SGCZ: variants seen among roughly 807,000 people sequenced by gnomAD.
SGCZ encodes sarcoglycan zeta, also known as zeta-sarcoglycan.
SGCZ carries 40 observed loss-of-function variants against 41.3 expected under a neutral mutation model. The observed-to-expected ratio is 0.97, with a 90% confidence interval of 0.75 to 1.26. The LOEUF (loss-of-function observed/expected upper bound fraction) is 1.26, where lower values mean the gene tolerates loss of function less well. SGCZ is among the 50% of genes most tolerant of loss of function. The pLI is 0.00. For missense variants in SGCZ, 552 were observed against 369.8 expected (o/e 1.49, Z -4.04); for synonymous variants, 206 against 137.5 (o/e 1.50, Z -3.49).
chr8:14,783,650 C>T (rs1397168835), intron 1 of SGCZ, among the ~76,000 whole-genome samples: 2 of 152,014 alleles, frequency 1.3e-5, no homozygotes, highest in African/African-American at 2.4e-5. Context: ...ATTTAAAACA[C>T]GTTAGTGGAT....
At chr8:14,612,706 T>C (rs975230230) in intron 1 of SGCZ, among the ~76,000 whole-genome samples, 1 of 152,056 alleles carries the variant, frequency 6.6e-6, no homozygotes, top group Admixed American at 6.6e-5. Flanking sequence ...TTTGTTTTTT[T>C]AAAAGACTCT....
In SGCZ at chr8:14,086,348, G is replaced by C. The variant is rs17118601; in HGVS notation, c.*4095C>G. ...ATTAGACGCTCTCCAGGCTATTGCT[G>C]CCTCATACAGAGATACCATGTTTGC... On this transcript the variant is annotated 3_prime_UTR_variant, in exon 8 of 8. Coordinates refer to ENST00000382080, the MANE Select transcript of SGCZ (RefSeq NM_139167.4). Among the ~76,000 whole-genome samples the C allele has an allele frequency of 2.6e-5, 4 of 151,714 alleles. No individual in the cohort carries two copies. The highest frequency in any genetic ancestry group is 6.8e-3 in the Middle Eastern group (2 of 294).
intron 1 of SGCZ, among the ~76,000 whole-genome samples, chr8:14,936,918 A>G (rs910608152): frequency 6.6e-6 from 1 of 151,820 alleles, no homozygotes; most frequent in African/African-American, 2.4e-5. Flanking sequence ...AAACTTTACT[A>G]CACTAAAGGC....
intron 1 of SGCZ, among the ~76,000 whole-genome samples, chr8:15,035,930 CA>C (rs1803858873): frequency 6.6e-6 from 1 of 151,678 alleles, no homozygotes; most frequent in South Asian, 2.1e-4. Context: ...ATAGATTACT[CA>C]AACAGAAAAT....
intron 1 of SGCZ, among the ~76,000 whole-genome samples, chr8:15,097,711 AGAGT>A (rs1196898210): frequency 6.8e-6 from 1 of 146,892 alleles, no homozygotes; most frequent in Non-Finnish European, 1.5e-5. Flanking sequence ...TCTACGCGAC[AGAGT>A]GAGAGCTTAT....
At chr8:14,667,247 G>A (rs1218766640) in intron 1 of SGCZ, among the ~76,000 whole-genome samples, 1 of 152,106 alleles carries the variant, frequency 6.6e-6, no homozygotes, top group Non-Finnish European at 1.5e-5. Context: ...GGATTATTCT[G>A]GCATGTATAA....
At chr8:14,406,190 T>A (rs1799207708) in intron 2 of SGCZ, among the ~76,000 whole-genome samples, 1 of 152,100 alleles carries the variant, frequency 6.6e-6, no homozygotes, top group South Asian at 2.1e-4. Context: ...TTTCTGCACT[T>A]CCCTCCACCT....
At chr8:14,261,991 C>T (rs1018945812) in intron 3 of SGCZ, among the ~76,000 whole-genome samples, 3 of 151,992 alleles carry the variant, frequency 2.0e-5, no homozygotes, top group African/African-American at 7.2e-5. Flanking sequence ...TTAATTTGAC[C>T]AACTCCTACT....
chr8:14,543,179 C>T (rs1803522607), intron 2 of SGCZ, among the ~76,000 whole-genome samples: 1 of 151,902 alleles, frequency 6.6e-6, no homozygotes, highest in South Asian at 2.1e-4. Flanking sequence ...TAAAATAAAA[C>T]TATGTAAGTA....
intron 1 of SGCZ, among the ~76,000 whole-genome samples, chr8:15,118,304 T>C (rs533389383): frequency 1.3e-5 from 2 of 152,272 alleles, no homozygotes; most frequent in African/African-American, 4.8e-5. Flanking sequence ...ATAATTGTAT[T>C]TTGAAAAATC....
chr8:14,559,749 A>G (rs1804151299), intron 1 of SGCZ, among the ~76,000 whole-genome samples: 1 of 152,124 alleles, frequency 6.6e-6, no homozygotes, highest in South Asian at 2.1e-4. Context: ...AGCTATTAAA[A>G]TATCATAATT....
At chr8:14,327,514 G>A (rs1184808750) in intron 2 of SGCZ, among the ~76,000 whole-genome samples, 1 of 152,048 alleles carries the variant, frequency 6.6e-6, no homozygotes, top group African/African-American at 2.4e-5. Flanking sequence ...TCAGAGCAAT[G>A]GAAACTAGTT....
chr8:14,322,902 C>T (rs1405576898), intron 3 of SGCZ, among the ~76,000 whole-genome samples: 5 of 152,094 alleles, frequency 3.3e-5, no homozygotes, highest in South Asian at 4.1e-4. Flanking sequence ...TTTTTGTTTC[C>T]GCTTTTCACA....
chr8:15,059,831 T>C (rs115452499), intron 1 of SGCZ, among the ~76,000 whole-genome samples: 124 of 152,340 alleles, frequency 8.1e-4, no homozygotes, highest in African/African-American at 2.9e-3. Flanking sequence ...ATGCCTTCAG[T>C]TCTTTCCAAG....
intron 2 of SGCZ, among the ~76,000 whole-genome samples, chr8:14,541,890 A>T (rs1803480415): frequency 6.6e-6 from 1 of 152,074 alleles, no homozygotes; most frequent in Admixed American, 6.6e-5. Flanking sequence ...AGTGATGATG[A>T]GCTTTTTTCC....
At chr8:14,737,326 C>T (rs927836101) in intron 1 of SGCZ, among the ~76,000 whole-genome samples, 1 of 151,792 alleles carries the variant, frequency 6.6e-6, no homozygotes. Context: ...TCTAATGAAG[C>T]AAAAACCTCA....
chr8:15,015,270 T>A (rs1355639881), intron 1 of SGCZ, among the ~76,000 whole-genome samples: 1 of 151,146 alleles, frequency 6.6e-6, no homozygotes, highest in Non-Finnish European at 1.5e-5. Flanking sequence ...AAGAAGTCTA[T>A]TGGGATAAAG....
intron 2 of SGCZ, among the ~76,000 whole-genome samples, chr8:14,377,386 A>G (rs989650254): frequency 1.3e-5 from 2 of 152,270 alleles, no homozygotes; most frequent in Non-Finnish European, 1.5e-5. Context: ...TTCCTGAGCC[A>G]CATAATTTAT....
At chr8:14,150,674 G>A (rs1465124416) in intron 5 of SGCZ, among the ~76,000 whole-genome samples, 1 of 152,086 alleles carries the variant, frequency 6.6e-6, no homozygotes, top group African/African-American at 2.4e-5. Flanking sequence ...ACTGCTGGGT[G>A]TACACACAAA....
Sources: gnomAD v4.1 joint callset for allele counts (sites outside exome capture counted in the v4.1 genomes callset) on GRCh38, gnomAD v4.1.1 for gene constraint, MANE v1.5 for transcripts, NCBI Gene and HGNC (gene_info 2026-07-23, HGNC 2026-07-21) for gene names.